The following RNF138 variants were observed in gnomAD, a reference collection of about 807,000 sequenced individuals.
RNF138 encodes the protein E3 ubiquitin-protein ligase RNF138.
A neutral mutation model predicts 31.0 loss-of-function variants in RNF138; 12 were observed. The ratio of observed to expected loss-of-function variants is 0.39; its 90% CI spans 0.25 to 0.63. The LOEUF (loss-of-function observed/expected upper bound fraction) is 0.63. Ranked by LOEUF, RNF138 falls within the 20% of genes least tolerant of loss-of-function variation. The probability of loss-of-function intolerance (pLI) is 0.52; values close to 1 mark genes in which losing one functional copy is unlikely to be tolerated. For synonymous variants in RNF138, 105 were observed against 99.5 expected (o/e 1.06, Z -0.33); for missense variants, 192 against 300.1 (o/e 0.64, Z 2.66).
intron 7 of RNF138, among the ~76,000 whole-genome samples, chr18:32,127,703 T>G (rs942857214): frequency 6.6e-6 from 1 of 152,224 alleles, no homozygotes; most frequent in African/African-American, 2.4e-5. Context: ...TAAGAAAGAT[T>G]GCTATGTAAT....
intron 4 of RNF138, among the ~76,000 whole-genome samples, chr18:32,120,854 A>G (rs891240951): frequency 6.6e-6 from 1 of 152,162 alleles, no homozygotes; most frequent in East Asian, 1.9e-4. Context: ...TTAAAACTGC[A>G]TAGTACTGGC....
At chr18:32,102,491 G>A (rs1294270248) in intron 2 of RNF138, among the ~76,000 whole-genome samples, 2 of 151,766 alleles carry the variant, frequency 1.3e-5, no homozygotes, top group Non-Finnish European at 2.9e-5. Context: ...GTGAGCCACT[G>A]TGCCTGGCCC....
chr18:32,099,968 C>G (rs1313700428), intron 2 of RNF138, among the ~76,000 whole-genome samples: 1 of 152,150 alleles, frequency 6.6e-6, no homozygotes, highest in Non-Finnish European at 1.5e-5. Flanking sequence ...AATTGCAGCT[C>G]TAGTGAAGTG....
chr18:32,096,048 G>T (rs1262458362), intron 2 of RNF138, among the ~76,000 whole-genome samples: 1 of 152,210 alleles, frequency 6.6e-6, no homozygotes, highest in Non-Finnish European at 1.5e-5. Flanking sequence ...GCTGGACTTT[G>T]AAGTTTGGCT....
At chr18:32,104,297 G>A (rs975366094) in intron 2 of RNF138, among the ~76,000 whole-genome samples, 1 of 151,800 alleles carries the variant, frequency 6.6e-6, no homozygotes, top group African/African-American at 2.4e-5. Flanking sequence ...ACATGCATAA[G>A]CCACCAGACC....
chr18:32,118,901 T>G (rs895897488), intron 4 of RNF138, among the ~76,000 whole-genome samples: 6 of 152,214 alleles, frequency 3.9e-5, no homozygotes, highest in Non-Finnish European at 8.8e-5. Flanking sequence ...TGTTTAGTCT[T>G]TGGCTGGTTT....
At chr18:32,107,287 A>AT (rs1216028327) in intron 2 of RNF138, among the ~76,000 whole-genome samples, 7 of 148,610 alleles carry the variant, frequency 4.7e-5, no homozygotes, top group East Asian at 2.0e-4. Flanking sequence ...CGCCCAGCTA[A>AT]TTTTTTTTTG....
At chr18:32,119,542 G>C (rs917067426) in intron 4 of RNF138, among the ~76,000 whole-genome samples, 1 of 152,166 alleles carries the variant, frequency 6.6e-6, no homozygotes, top group Non-Finnish European at 1.5e-5. Flanking sequence ...TTCTGCCTCA[G>C]ACTCCCGAGT....
intron 4 of RNF138, among the ~76,000 whole-genome samples, chr18:32,119,913 G>A (rs2040276714): frequency 6.6e-6 from 1 of 151,930 alleles, no homozygotes; most frequent in Admixed American, 6.5e-5. Context: ...GTTTTCAGCA[G>A]CTTTGATGAT....
intron 6 of RNF138, chr18:32,125,071 A>T: frequency 2.3e-6 from 1 of 440,438 alleles, no homozygotes; most frequent in South Asian, 3.0e-5. Context: ...GTGAGGTAAT[A>T]TAGCACAGTC....
chr18:32,097,253 A>G (rs1356449309), intron 2 of RNF138, among the ~76,000 whole-genome samples: 4 of 152,196 alleles, frequency 2.6e-5, no homozygotes, highest in Admixed American at 2.0e-4. Context: ...GTAAGCTACT[A>G]TTGCAATAAA....
chr18:32,107,777 A>T (rs888975385), intron 2 of RNF138, among the ~76,000 whole-genome samples: 9 of 151,766 alleles, frequency 5.9e-5, no homozygotes, highest in African/African-American at 2.2e-4. Flanking sequence ...TCAGCCTCCC[A>T]AAGTGCTGGG....
At chr18:32,102,596 A>G (rs1382766759) in intron 2 of RNF138, among the ~76,000 whole-genome samples, 2 of 151,580 alleles carry the variant, frequency 1.3e-5, no homozygotes, top group Non-Finnish European at 2.9e-5. Context: ...ACAGTTTGTC[A>G]CCTGATTTAT....
intron 2 of RNF138, among the ~76,000 whole-genome samples, chr18:32,093,119 G>A (rs1355846246): frequency 6.8e-6 from 1 of 147,582 alleles, no homozygotes; most frequent in Non-Finnish European, 1.5e-5. Flanking sequence ...CCGCTCTCCC[G>A]CTCTCCCGCT....
intron 3 of RNF138, among the ~76,000 whole-genome samples, chr18:32,113,266 C>T (rs934154725): frequency 1.3e-5 from 2 of 152,092 alleles, no homozygotes; most frequent in Admixed American, 6.6e-5. Flanking sequence ...CCATATTGCT[C>T]AGGCTGGTCT....
At chr18:32,096,411 C>T (rs1207836711) in intron 2 of RNF138, among the ~76,000 whole-genome samples, 1 of 152,080 alleles carries the variant, frequency 6.6e-6, no homozygotes, top group Non-Finnish European at 1.5e-5. Context: ...GATTTGATGA[C>T]TGGGTTCAGT....
intron 2 of RNF138, among the ~76,000 whole-genome samples, chr18:32,093,097 C>T (rs1333541909): frequency 7.0e-6 from 1 of 142,948 alleles, no homozygotes; most frequent in African/African-American, 2.9e-5. Context: ...CCAGCCCCCT[C>T]AGCCCAAGCT....
chr18:32,092,578 T>C (rs1288163875), intron 1 of RNF138, 122 bp from the exon 2 acceptor site: 3 of 574,748 alleles, frequency 5.2e-6, no homozygotes, highest in Non-Finnish European at 9.4e-6. Context: ...GGGTCGCCTC[T>C]TGCCCGGCGC....
Position 32,125,193 on chromosome 18 carries a change from C to T in RNF138, c.561+348C>T, listed in dbSNP as rs140339792. 6 of 178,258 alleles carry T rather than the reference C, an allele frequency of 3.4e-5. No homozygotes were observed. The East Asian group carries it at 7.0e-4, about 21-fold the overall frequency. 11.0% of individuals were successfully genotyped at this position (178,258 alleles called of 1,614,324 possible). A position where few individuals can be genotyped will look rare whatever the true frequency, so the allele number is the denominator to read the frequency against. On this transcript the variant is annotated intron_variant, in intron 6 of 7. Transcript: ENST00000261593. ...CTCTGTAGATGGCAGACAAGTAGAT[C>T]TAGTCAGGTAGATTGCTGTAGGTGA...
Sources: gnomAD v4.1 joint callset for allele counts (sites outside exome capture counted in the v4.1 genomes callset) on GRCh38, gnomAD v4.1.1 for gene constraint, MANE v1.5 for transcripts, NCBI Gene and HGNC (gene_info 2026-07-23, HGNC 2026-07-21) for gene names.